USP38: variants seen among roughly 807,000 people sequenced by gnomAD.
USP38 encodes the protein ubiquitin carboxyl-terminal hydrolase 38.
In USP38, 49 loss-of-function variants were observed where a neutral mutation model predicts 94.3. The ratio of observed to expected loss-of-function variants is 0.52; its 90% CI spans 0.41 to 0.66. USP38 has a LOEUF of 0.66. USP38 is among the 30% of genes least tolerant of loss of function. The probability of loss-of-function intolerance (pLI) is 0.00; values close to 1 mark genes in which losing one functional copy is unlikely to be tolerated. For synonymous variants in USP38, 468 were observed against 463.6 expected (o/e 1.01, Z -0.12); for missense variants, 1,128 against 1,229.4 (o/e 0.92, Z 1.23).
rs1208274514 is a variant in USP38, at chr4:143,220,156, T to TA, written c.2968-138dup. 3.3e-6 allele frequency: 3 copies of TA among 922,326 alleles called. No homozygotes were observed. In the African/African-American group the frequency reaches 5.2e-5, roughly 16 times the overall value. 57.1% of individuals were successfully genotyped at this position (922,326 alleles called of 1,614,324 possible). On this transcript the variant is annotated intron_variant, in intron 9 of 9. Coordinates refer to ENST00000307017, the MANE Select transcript of USP38 (RefSeq NM_032557.6). ...TTTTCTTAGAGAAATTTTTTTTTCT[T>TA]AGGTGCTTTAGTTTCAAAGTTATTG... is the stretch of plus-strand genomic sequence containing the variant.
rs1732353357 is a variant in USP38, at chr4:143,222,638, T to C, written c.*2182T>C. On this transcript the variant is annotated 3_prime_UTR_variant, in exon 10 of 10. Transcript: ENST00000307017. Reference sequence around the variant, plus strand: ...TGAAGAGTATTCAAATGATAACTCATACCAGTACCAAAAACTTGAAGACTT... The same window carrying C: ...TGAAGAGTATTCAAATGATAACTCACACCAGTACCAAAAACTTGAAGACTT... 1 of 152,096 alleles carries C rather than the reference T, an allele frequency of 6.6e-6. No individual in the cohort carries two copies. The highest frequency in any genetic ancestry group is 2.4e-5 in the African/African-American group (1 of 41,460). The allele number at this position is 152,096 out of a possible 1,614,324, so 9.4% of individuals were successfully genotyped here. A position where few individuals can be genotyped will look rare whatever the true frequency, so the allele number is the denominator to read the frequency against.
chr4:143,222,581 G>A lies in USP38; in HGVS notation c.*2125G>A, dbSNP rs1732352591. ...TTGAATCTAAGGATACAGAGCCTGAGGATATGGAAAGCTGACTAAATATAG... is the reference window on the plus strand; with the variant it reads ...TTGAATCTAAGGATACAGAGCCTGAAGATATGGAAAGCTGACTAAATATAG... On this transcript the variant is annotated 3_prime_UTR_variant, in exon 10 of 10. Transcript: ENST00000307017. 1 of 151,970 alleles carries A rather than the reference G, an allele frequency of 6.6e-6. No homozygotes were observed. The highest frequency in any genetic ancestry group is 1.5e-5 in the Non-Finnish European group (1 of 67,930). The allele number at this position is 151,970 out of a possible 1,614,324, so 9.4% of individuals were successfully genotyped here.
chr4:143,191,259 C>A (rs558156511), intron 2 of USP38, among the ~76,000 whole-genome samples: 113 of 152,166 alleles, frequency 7.4e-4, no homozygotes, highest in African/African-American at 2.5e-3. Context: ...GTACCAGGAC[C>A]AAACAGGTAA....
At position 143,186,122 on chromosome 4, in the gene USP38, C is replaced by T; in HGVS notation, c.672C>T (p.Ile224=). 1.2e-6 allele frequency: 2 copies of T among 1,613,970 alleles called. No individual in the cohort carries two copies. The highest frequency in any genetic ancestry group is 1.6e-4 in the Middle Eastern group (1 of 6,062). ...LPSLQEVFAS[I]SSTDASFEPS... is the part of the protein sequence containing the mutation. The stretch of plus-strand genomic sequence containing the variant: ...CCCTGCAAGAAGTTTTTGCAAGCAT[C>T]TCTTCCACAGGTAAGGGTCATTATC... Residue 224 remains isoleucine, a synonymous_variant, in exon 1 of 10, where the codon ATC becomes ATT. Transcript: ENST00000307017.
In USP38 at chr4:143,213,661, T is replaced by C. The variant is rs776417608; in HGVS notation, c.1685T>C (p.Leu562Ser). The C allele has an allele frequency of 3.7e-6, 6 of 1,613,520 alleles. No homozygotes were observed. Among genetic ancestry groups the C allele is most frequent in the Non-Finnish European group, 5.1e-6 (6 of 1,179,708 alleles). Reference protein sequence around the residue: ...SEILECSETSLQEVASKAAVL... With the variant: ...SEILECSETSSQEVASKAAVL... ...ATTCTGGAATGCAGTGAAACTTCTT[T>C]ACAGGAAGTAGCTAGTAAAGCAGCA... Residue 562 changes from leucine (L) to serine (S), a missense_variant, in exon 9 of 10, where the codon TTA (leucine) becomes TCA (serine). Transcript: ENST00000307017.
intron 2 of USP38, among the ~76,000 whole-genome samples, chr4:143,195,147 A>G (rs1273147952): frequency 2.0e-5 from 3 of 152,200 alleles, no homozygotes; most frequent in African/African-American, 7.2e-5. Context: ...CTTGGATCAT[A>G]TTCATATGTC....
At chr4:143,219,070 A>G (rs145942619) in intron 9 of USP38, among the ~76,000 whole-genome samples, 1 of 152,138 alleles carries the variant, frequency 6.6e-6, no homozygotes, top group Admixed American at 6.6e-5. Context: ...CAGCAATTTT[A>G]AATGTTGTAA....
At chr4:143,208,570 TAG>T (rs1423728682) in intron 6 of USP38, among the ~76,000 whole-genome samples, 6 of 152,270 alleles carry the variant, frequency 3.9e-5, no homozygotes, top group Admixed American at 2.0e-4. Context: ...CTGCTAATTA[TAG>T]AGTTTTTCCC....
At chr4:143,207,746 C>T (rs1185504161) in intron 6 of USP38, among the ~76,000 whole-genome samples, 2 of 151,740 alleles carry the variant, frequency 1.3e-5, no homozygotes, top group African/African-American at 4.8e-5. Flanking sequence ...CCCCATCTTA[C>T]CACCAGAGGT....
In USP38 at chr4:143,185,112, G is replaced by C. The variant is rs909960741; in HGVS notation, c.-339G>C. Reference sequence around the variant, plus strand: ...CCGCCGGCTAGCAGCCCCGGGCCCTGAGCTCCCGCCGACGCCGCTGGGGGG... The same window carrying C: ...CCGCCGGCTAGCAGCCCCGGGCCCTCAGCTCCCGCCGACGCCGCTGGGGGG... On this transcript the variant is annotated 5_prime_UTR_variant, in exon 1 of 10. Transcript: ENST00000307017. 1 of 207,852 alleles carries C rather than the reference G, an allele frequency of 4.8e-6. No individual in the cohort carries two copies. Among genetic ancestry groups the C allele is most frequent in the Non-Finnish European group, 9.5e-6 (1 of 105,076 alleles). The allele number at this position is 207,852 out of a possible 1,614,324, so 12.9% of individuals were successfully genotyped here.
chr4:143,214,747 C>T lies in USP38; in HGVS notation c.2771C>T (p.Thr924Ile), dbSNP rs1353544994. 1 of 1,613,684 alleles carries T rather than the reference C, an allele frequency of 6.2e-7. No homozygotes were observed. Among genetic ancestry groups the T allele is most frequent in the Admixed American group, 1.7e-5 (1 of 59,926 alleles). The stretch of plus-strand genomic sequence containing the variant: ...TTTAATGACAGTAGAGTGACATTTA[C>T]TTCATTTCAGTCAGTCCAGAAAATT... ...FLFNDSRVTF[T>I]SFQSVQKITS... is the part of the protein sequence containing the mutation. Residue 924 changes from threonine to isoleucine, a missense_variant, in exon 9 of 10, where the codon ACT becomes ATT. Thr to Ile is a moderately conservative substitution (Grantham distance 89, BLOSUM62 -1). Transcript: ENST00000307017.
At position 143,203,454 on chromosome 4, in the gene USP38, G is replaced by C; in HGVS notation, c.1097G>C (p.Gly366Ala). 1 of 1,612,772 alleles carries C rather than the reference G, an allele frequency of 6.2e-7. No homozygotes were observed. Among genetic ancestry groups the C allele is most frequent in the Non-Finnish European group, 8.5e-7 (1 of 1,179,352 alleles). ...TTGGTTCATTCTTTCAAAAATGATG[G>C]TCTGCCTTCAAGTACAGCCTTCTTA... ...VNLVHSFKND[G>A]LPSSTAFLVQ... Residue 366 changes from glycine (G) to alanine (A), a missense_variant, in exon 5 of 10, where the codon GGT (glycine) becomes GCT (alanine). Gly to Ala is a moderately conservative substitution (Grantham distance 60). Transcript: ENST00000307017.
In USP38 at chr4:143,185,879, C is replaced by G. The variant is rs1731206348; in HGVS notation, c.429C>G (p.Leu143=). ...TGTGTGAGAGGCCGGAGCCGCAGCTCTGTGCCCGACTGAGCGACCTTCTGA... is the reference window on the plus strand; with the variant it reads ...TGTGTGAGAGGCCGGAGCCGCAGCTGTGTGCCCGACTGAGCGACCTTCTGA... ...RMVCERPEPQ[L]CARLSDLLTD... The change falls in exon 1 of 10, where the codon CTC becomes CTG. Residue 143 remains leucine (L), a synonymous_variant. Coordinates refer to ENST00000307017, the MANE Select transcript of USP38 (RefSeq NM_032557.6). 6.2e-7 allele frequency: 1 copy of G among 1,614,060 alleles called. No individual in the cohort carries two copies. The highest frequency in any genetic ancestry group is 1.7e-5 in the Admixed American group (1 of 60,010).
Position 143,197,933 on chromosome 4 carries a change from T to C in USP38, c.1050+9T>C. 6.3e-7 allele frequency: 1 copy of C among 1,588,024 alleles called. No homozygotes were observed. The highest frequency in any genetic ancestry group is 2.2e-5 in the East Asian group (1 of 44,608). On this transcript the variant is annotated intron_variant, in intron 4 of 9. Transcript: ENST00000307017. ...CAGAGGCGTTCCATTTGGTAAGTTATGACATAAACGTTCTACTTTGAAAAA... is the reference window on the plus strand; with the variant it reads ...CAGAGGCGTTCCATTTGGTAAGTTACGACATAAACGTTCTACTTTGAAAAA...
intron 5 of USP38, among the ~76,000 whole-genome samples, chr4:143,204,833 A>T (rs1472949477): frequency 1.3e-5 from 2 of 152,168 alleles, no homozygotes; most frequent in Non-Finnish European, 2.9e-5. Flanking sequence ...AATTCTATTG[A>T]TGGTTTTTTT....
At position 143,197,802 on chromosome 4, in the gene USP38, GTGTCT is replaced by G. The variant is rs1731594548; in HGVS notation, c.949-14_949-10del. ...GATTTTCCTGCAAATTCTTAAGAAG[GTGTCT>G]TGTCTTATTTTGAAGGTTTTTAATC... is the stretch of plus-strand genomic sequence containing the variant. On this transcript the variant is annotated splice_polypyrimidine_tract_variant and intron_variant, in intron 3 of 9. Transcript: ENST00000307017. 1 of 1,538,336 alleles carries G rather than the reference GTGTCT, an allele frequency of 6.5e-7. No homozygotes were observed. Among genetic ancestry groups the G allele is most frequent in the Non-Finnish European group, 9.0e-7 (1 of 1,115,860 alleles).
chr4:143,207,850 T>C (rs933256380), intron 6 of USP38, among the ~76,000 whole-genome samples: 1 of 152,158 alleles, frequency 6.6e-6, no homozygotes, highest in Admixed American at 6.5e-5. Flanking sequence ...TTATCTCTTA[T>C]TGAACAGTGG....
At chr4:143,205,337 G>A (rs1033219858) in intron 5 of USP38, among the ~76,000 whole-genome samples, 7 of 152,124 alleles carry the variant, frequency 4.6e-5, no homozygotes, top group Non-Finnish European at 8.8e-5. Flanking sequence ...ATCCAGATAA[G>A]CCCTAATGAT....
At chr4:143,187,238 C>T (rs2149602994) in intron 1 of USP38, among the ~76,000 whole-genome samples, 1 of 152,208 alleles carries the variant, frequency 6.6e-6, no homozygotes, top group African/African-American at 2.4e-5. Flanking sequence ...ACAAAAGTCA[C>T]CTTAATTTCT....
Sources: allele counts gnomAD v4.1 joint callset (sites outside exome capture counted in the v4.1 genomes callset), GRCh38; gene constraint gnomAD v4.1.1; transcripts MANE v1.5; gene names NCBI Gene and HGNC (gene_info 2026-07-23, HGNC 2026-07-21).